Variants in ZNF227 observed in about 807,000 individuals in gnomAD.
The protein encoded by ZNF227 is zinc finger protein 227.
In ZNF227, 12 loss-of-function variants were observed where a neutral mutation model predicts 13.2. The observed-to-expected ratio is 0.91, with a 90% confidence interval of 0.58 to 1.47. The LOEUF is 1.47. ZNF227 is among the 40% of genes most tolerant of loss of function. The probability of loss-of-function intolerance (pLI) is 0.00; values close to 1 mark genes in which losing one functional copy is unlikely to be tolerated. For synonymous variants in ZNF227, 338 were observed against 326.0 expected (o/e 1.04, Z -0.40); for missense variants, 885 against 967.5 (o/e 0.91, Z 1.13).
intron 2 of ZNF227, chr19:44,213,536 ATAG>A (rs1179305063): frequency 6.6e-6 from 1 of 152,222 alleles, no homozygotes; most frequent in African/African-American, 2.4e-5. Flanking sequence ...TATTCAACTG[ATAG>A]TAAGAGGTGG....
chr19:44,234,607 C>CTT, intron 5 of ZNF227, 95 bp from the exon 6 acceptor site: 1 of 1,188,254 alleles, frequency 8.4e-7, no homozygotes, highest in Non-Finnish European at 1.2e-6. Context: ...TTTATCAAGG[C>CTT]TTTCTCCCAT....
At chr19:44,225,412 C>T (rs539151915) in intron 3 of ZNF227, among the ~76,000 whole-genome samples, 4 of 152,316 alleles carry the variant, frequency 2.6e-5, no homozygotes, top group South Asian at 4.1e-4. Context: ...ACCAATCAGA[C>T]GTAGATCTGG....
chr19:44,222,050 T>G (rs1972575732), intron 3 of ZNF227, among the ~76,000 whole-genome samples: 1 of 152,198 alleles, frequency 6.6e-6, no homozygotes, highest in Middle Eastern at 3.2e-3. Context: ...TTTTCTCAGG[T>G]TTGTCAAAGA....
At chr19:44,230,974 A>ATACATC (rs1165666197) in intron 5 of ZNF227, among the ~76,000 whole-genome samples, 1 of 144,058 alleles carries the variant, frequency 6.9e-6, no homozygotes, top group African/African-American at 2.7e-5. Flanking sequence ...GCATGTTAGC[A>ATACATC]TACATCTGTA....
At chr19:44,224,130 C>G (rs1050679867) in intron 3 of ZNF227, among the ~76,000 whole-genome samples, 1 of 152,172 alleles carries the variant, frequency 6.6e-6, no homozygotes, top group Admixed American at 6.5e-5. Context: ...GTCTGAGAGA[C>G]AGACAGTTTG....
Position 44,234,987 on chromosome 19 carries a change from C to A in ZNF227, c.557C>A (p.Ser186Ter). ...HSCGNTYLSE[S>*]QIQSRGKQID... Reference sequence around the variant, plus strand: ...TGCGGGAATACATATCTGAGTGAGTCACAGATTCAGAGTAGAGGTAAGCAA... The same window carrying A: ...TGCGGGAATACATATCTGAGTGAGTAACAGATTCAGAGTAGAGGTAAGCAA... Residue 186 changes from serine to a stop codon, truncating the protein, a stop_gained, in exon 6 of 6, where the codon TCA becomes TAA. Transcript: ENST00000313040. LOFTEE classifies it low-confidence loss of function (END_TRUNC). 2 of 1,614,054 alleles carry A rather than the reference C, an allele frequency of 1.2e-6. No individual in the cohort carries two copies. The highest frequency in any genetic ancestry group is 2.2e-5 in the South Asian group (2 of 91,030).
chr19:44,235,846 C>T lies in ZNF227; in HGVS notation c.1416C>T (p.Gly472=), dbSNP rs756174703. The change falls in exon 6 of 6, where the codon GGC becomes GGT. Residue 472 remains glycine, a synonymous_variant. Coordinates refer to ENST00000313040, the MANE Select transcript of ZNF227 (RefSeq NM_182490.3). ...ACAAGTGTGAGGCGTGTGGGAAAGG[C>T]TTTACCCGTAATACAGATCTGCATA... ...KPYKCEACGK[G]FTRNTDLHIH... 2 of 1,613,978 alleles carry T rather than the reference C, an allele frequency of 1.2e-6. No individual in the cohort carries two copies. The highest frequency in any genetic ancestry group is 3.3e-5 in the Admixed American group (2 of 59,986).
intron 2 of ZNF227, among the ~76,000 whole-genome samples, chr19:44,216,332 C>T (rs1479047135): frequency 6.6e-6 from 1 of 151,718 alleles, no homozygotes; most frequent in African/African-American, 2.4e-5. Context: ...TTTTAAATCT[C>T]CATTCTGTTA....
intron 3 of ZNF227, among the ~76,000 whole-genome samples, chr19:44,225,512 T>TCATTTCATC (rs2122796064): frequency 6.6e-6 from 1 of 152,344 alleles, no homozygotes; most frequent in African/African-American, 2.4e-5. Flanking sequence ...TTCATTTCAT[T>TCATTTCATC]CATTTCATCT....
chr19:44,212,374 T>G (rs1971421402), upstream of ZNF227, among the ~76,000 whole-genome samples: 1 of 103,636 alleles, frequency 9.6e-6, no homozygotes, highest in Non-Finnish European at 2.0e-5. Flanking sequence ...CCGTTTTTTT[T>G]TTTGTTTTTT....
intron 2 of ZNF227, among the ~76,000 whole-genome samples, chr19:44,216,013 TG>T (rs1971847122): frequency 9.7e-6 from 1 of 102,832 alleles, no homozygotes. Context: ...AAAAAAAAGA[TG>T]TACCTTTAAA....
chr19:44,211,283 T>C (rs1971356008), upstream of ZNF227, among the ~76,000 whole-genome samples: 1 of 151,800 alleles, frequency 6.6e-6, no homozygotes, highest in Admixed American at 6.6e-5. Flanking sequence ...GAGGGTCCCA[T>C]AGTCTGAATA....
At position 44,228,360 on chromosome 19, in the gene ZNF227, T is replaced by C. The variant is rs549546038; in HGVS notation, c.61-86T>C. The C allele has an allele frequency of 8.7e-6, 13 of 1,489,024 alleles. No individual in the cohort carries two copies. In the South Asian group the frequency reaches 1.6e-4, roughly 18 times the overall value. 92.2% of individuals were successfully genotyped at this position (1,489,024 alleles called of 1,614,324 possible). A position where few individuals can be genotyped will look rare whatever the true frequency, so the allele number is the denominator to read the frequency against. On this transcript the variant is annotated intron_variant, in intron 3 of 5. Transcript: ENST00000313040. The stretch of plus-strand genomic sequence containing the variant: ...CTCTTGGAATCTATAACAACTTTTT[T>C]GTGGTGCTCTTTTCCTTCTTGATGC...
intron 5 of ZNF227, among the ~76,000 whole-genome samples, chr19:44,230,795 G>C (rs1320341189): frequency 6.7e-6 from 1 of 150,060 alleles, no homozygotes; most frequent in African/African-American, 2.5e-5. Context: ...AAGTAAGCTG[G>C]GTATGGTGGT....
intron 5 of ZNF227, among the ~76,000 whole-genome samples, chr19:44,232,732 A>T (rs1386682182): frequency 1.3e-5 from 2 of 150,886 alleles, no homozygotes; most frequent in African/African-American, 4.8e-5. Context: ...CAGTGGTGCA[A>T]TCTTGGCTCA....
At chr19:44,216,021 TAAAAAAAA>T (rs11325106) in intron 2 of ZNF227, among the ~76,000 whole-genome samples, 2 of 107,930 alleles carry the variant, frequency 1.9e-5, no homozygotes, top group African/African-American at 7.1e-5. Context: ...GATGTACCTT[TAAAAAAAA>T]AAAAAAAAAA....
At chr19:44,219,970 C>T (rs1972300053) in intron 3 of ZNF227, among the ~76,000 whole-genome samples, 2 of 151,834 alleles carry the variant, frequency 1.3e-5, no homozygotes, top group Non-Finnish European at 2.9e-5. Context: ...GTGATGTTCC[C>T]CTTCCTGTGT....
chr19:44,228,494 C>T lies in ZNF227; in HGVS notation c.109C>T (p.Leu37=). 2 of 1,613,824 alleles carry T rather than the reference C, an allele frequency of 1.2e-6. No individual in the cohort carries two copies. The highest frequency in any genetic ancestry group is 1.1e-5 in the South Asian group (1 of 91,058). Reference sequence around the variant, plus strand: ...GGCTGTGGTCTTCTCCAGGGAGGAACTGCGACTGCTCGATCTTACCCAGAG... The same window carrying T: ...GGCTGTGGTCTTCTCCAGGGAGGAATTGCGACTGCTCGATCTTACCCAGAG... ...DVAVVFSREE[L]RLLDLTQRKL... is the part of the protein sequence containing the mutation. The change falls in exon 4 of 6, where the codon CTG becomes TTG. Residue 37 remains leucine (L), a synonymous_variant. Transcript: ENST00000313040.
At chr19:44,233,503 T>C (rs1229418097) in intron 5 of ZNF227, among the ~76,000 whole-genome samples, 1 of 152,114 alleles carries the variant, frequency 6.6e-6, no homozygotes, top group Non-Finnish European at 1.5e-5. Context: ...GACCGTTACA[T>C]TCTACTGGGT....
Sources: allele counts gnomAD v4.1 joint callset (sites outside exome capture counted in the v4.1 genomes callset), GRCh38; gene constraint gnomAD v4.1.1; transcripts MANE v1.5; gene names NCBI Gene and HGNC (gene_info 2026-07-23, HGNC 2026-07-21).